ALK: variants seen among roughly 807,000 people sequenced by gnomAD.
The protein encoded by ALK is ALK receptor tyrosine kinase.
In ALK, 74 loss-of-function variants were observed where a neutral mutation model predicts 163.1. The ratio of observed to expected loss-of-function variants is 0.45; its 90% CI spans 0.38 to 0.55. The LOEUF is 0.55. Among genes scored for constraint, ALK ranks in the 20% least tolerant of loss-of-function variants. The pLI is 0.00. For missense variants in ALK, 2,063 were observed against 2,105.3 expected (o/e 0.98, Z 0.39); for synonymous variants, 960 against 843.2 (o/e 1.14, Z -2.40).
intron 5 of ALK, among the ~76,000 whole-genome samples, chr2:29,330,704 TG>T (rs200530536): frequency 0.012 from 1,859 of 152,092 alleles, 32 homozygotes; most frequent in African/African-American, 0.042. Flanking sequence ...TATCTAGGGT[TG>T]GGGGGTATGG....
chr2:29,457,783 A>G (rs1670993435), intron 4 of ALK, among the ~76,000 whole-genome samples: 1 of 152,146 alleles, frequency 6.6e-6, no homozygotes, highest in South Asian at 2.1e-4. Flanking sequence ...TTCACTTCCC[A>G]CAATAATCCT....
At chr2:29,620,148 G>A (rs1196534611) in intron 3 of ALK, among the ~76,000 whole-genome samples, 1 of 152,186 alleles carries the variant, frequency 6.6e-6, no homozygotes, top group Non-Finnish European at 1.5e-5. Context: ...TAGGGCTACT[G>A]TAAGGAAATC....
intron 5 of ALK, among the ~76,000 whole-genome samples, chr2:29,380,606 G>GT (rs892503025): frequency 6.6e-6 from 1 of 151,916 alleles, no homozygotes; most frequent in Non-Finnish European, 1.5e-5. Flanking sequence ...TTTGTTTTTT[G>GT]TTTTTTTAGT....
At chr2:29,598,655 A>G (rs745895185) in intron 3 of ALK, among the ~76,000 whole-genome samples, 3 of 152,198 alleles carry the variant, frequency 2.0e-5, no homozygotes, top group South Asian at 2.1e-4. Context: ...TCAGATTTCA[A>G]TTACAGAATA....
chr2:29,739,536 C>T (rs949329126), intron 1 of ALK, among the ~76,000 whole-genome samples: 4 of 144,932 alleles, frequency 2.8e-5, no homozygotes, highest in Non-Finnish European at 6.0e-5. Context: ...CCAGCCTGGG[C>T]GACAGTGCGT....
Position 29,488,543 on chromosome 2 carries a change from A to C in ALK, c.1154+43372T>G, listed in dbSNP as rs1377978448. 2.0e-5 allele frequency among the ~76,000 whole-genome samples: 3 copies of C among 152,236 alleles called. No individual in the cohort carries two copies. The East Asian group carries it at 5.8e-4, about 29-fold the overall frequency. ...GACCAGATAATATTGGTAAGAATCCAGATAGCTTTCATGGTCATATTTCAT... is the reference window on the plus strand; with the variant it reads ...GACCAGATAATATTGGTAAGAATCCCGATAGCTTTCATGGTCATATTTCAT... On this transcript the variant is annotated intron_variant, in intron 4 of 28. Transcript: ENST00000389048.
At chr2:29,469,540 T>A (rs1343195121) in intron 4 of ALK, among the ~76,000 whole-genome samples, 1 of 152,188 alleles carries the variant, frequency 6.6e-6, no homozygotes, top group Non-Finnish European at 1.5e-5. Flanking sequence ...GGTCATGAAA[T>A]CTCTCCTTAC....
In ALK at chr2:29,225,584, T is replaced by C. The variant is rs1663953876; in HGVS notation, c.3068-19A>G. The C allele has an allele frequency of 1.3e-6, 2 of 1,597,590 alleles. No homozygotes were observed. Among genetic ancestry groups the C allele is most frequent in the Admixed American group, 3.4e-5 (2 of 57,992 alleles). On this transcript the variant is annotated intron_variant, in intron 18 of 28. Coordinates refer to ENST00000389048, the MANE Select transcript of ALK (RefSeq NM_004304.5). Reference sequence around the variant, plus strand: ...GGTGACACTGGAAGACAGGTCCCACTGGGGTATTGACAACCACACCAGGTC... The same window carrying C: ...GGTGACACTGGAAGACAGGTCCCACCGGGGTATTGACAACCACACCAGGTC...
chr2:29,444,459 A>C (rs1670621618), intron 4 of ALK, among the ~76,000 whole-genome samples: 1 of 152,148 alleles, frequency 6.6e-6, no homozygotes, highest in Non-Finnish European at 1.5e-5. Context: ...TGAACAGATG[A>C]GGATTGAACA....
intron 3 of ALK, among the ~76,000 whole-genome samples, chr2:29,581,408 A>AAAT (rs1674686570): frequency 6.6e-6 from 1 of 152,090 alleles, no homozygotes; most frequent in Non-Finnish European, 1.5e-5. Flanking sequence ...AAATAAAATA[A>AAAT]AAGAGTCAAA....
intron 11 of ALK, among the ~76,000 whole-genome samples, chr2:29,264,011 GTC>G (rs1558644279): frequency 6.6e-6 from 1 of 152,232 alleles, no homozygotes; most frequent in African/African-American, 2.4e-5. Flanking sequence ...TCCTGCTGCT[GTC>G]TCTCAAACAG....
chr2:29,355,535 T>C (rs1668227155), intron 5 of ALK, among the ~76,000 whole-genome samples: 1 of 152,108 alleles, frequency 6.6e-6, no homozygotes, highest in Non-Finnish European at 1.5e-5. Context: ...GTCTCTGCAA[T>C]GCATGTCCTT....
At chr2:29,366,761 T>C (rs1668518503) in intron 5 of ALK, among the ~76,000 whole-genome samples, 1 of 152,208 alleles carries the variant, frequency 6.6e-6, no homozygotes, top group Non-Finnish European at 1.5e-5. Context: ...CAATTCTGAA[T>C]TATCTGATTA....
intron 8 of ALK, among the ~76,000 whole-genome samples, chr2:29,307,271 T>C (rs1415329994): frequency 6.6e-6 from 1 of 152,180 alleles, no homozygotes; most frequent in African/African-American, 2.4e-5. Context: ...CACCCCTAAA[T>C]GTAGGAAATG....
chr2:29,783,903 G>A (rs1558486590), intron 1 of ALK, among the ~76,000 whole-genome samples: 1 of 152,286 alleles, frequency 6.6e-6, no homozygotes, highest in East Asian at 1.9e-4. Flanking sequence ...CCAAGTGGCA[G>A]TCGTGTGTAA....
chr2:29,879,453 G>T (rs1366108117), intron 1 of ALK, among the ~76,000 whole-genome samples: 1 of 152,166 alleles, frequency 6.6e-6, no homozygotes, highest in Non-Finnish European at 1.5e-5. Context: ...TTACATCCTT[G>T]TGCAAGCTCC....
intron 3 of ALK, among the ~76,000 whole-genome samples, chr2:29,584,570 C>T (rs1473057541): frequency 2.0e-5 from 3 of 152,138 alleles, no homozygotes; most frequent in African/African-American, 7.2e-5. Context: ...AAGGCCCTGC[C>T]CTTCACTTCT....
intron 5 of ALK, among the ~76,000 whole-genome samples, chr2:29,339,875 G>A (rs17007916): frequency 0.027 from 4,136 of 152,262 alleles, 187 homozygotes; most frequent in African/African-American, 0.094. Context: ...GTCAGTCTCC[G>A]TATAGATTTA....
intron 1 of ALK, among the ~76,000 whole-genome samples, chr2:29,877,733 TG>T (rs1666759984): frequency 6.6e-6 from 1 of 152,182 alleles, no homozygotes; most frequent in Non-Finnish European, 1.5e-5. Context: ...TCCCACACGC[TG>T]GCTCTGCTCT....
Sources: gnomAD v4.1 joint callset for allele counts (sites outside exome capture counted in the v4.1 genomes callset) on GRCh38, gnomAD v4.1.1 for gene constraint, MANE v1.5 for transcripts, NCBI Gene and HGNC (gene_info 2026-07-23, HGNC 2026-07-21) for gene names.